Variants in AGO1 observed in about 807,000 individuals in gnomAD.
AGO1 encodes the protein argonaute RISC component 1.
AGO1 carries 11 observed loss-of-function variants against 109.2 expected under a neutral mutation model. The ratio of observed to expected loss-of-function variants is 0.10; its 90% CI spans 0.06 to 0.17. AGO1 has a LOEUF of 0.17. AGO1 is among the 10% of genes least tolerant of loss of function. AGO1 has a pLI of 1.00. For synonymous variants in AGO1, 422 were observed against 418.6 expected, an observed-to-expected ratio of 1.01 and a Z score of -0.10; for missense variants, 574 against 1,140.3, an observed-to-expected ratio of 0.50 and a Z score of 7.15.
intron 1 of AGO1, among the ~76,000 whole-genome samples, chr1:35,871,106 G>A (rs1644946155): frequency 6.6e-6 from 1 of 152,172 alleles, no homozygotes; most frequent in Non-Finnish European, 1.5e-5. Flanking sequence ...GTTTTACAGG[G>A]TGTGCACGTC....
chr1:35,894,143 G>C lies in AGO1; in HGVS notation c.756G>C (p.Gln252His). ...AGCCCAAGCCCCTCACGGACTCTCA[G>C]CGCGTTCGCTTCACCAAGGAGATCA... is the stretch of plus-strand genomic sequence containing the variant. ...DEQPKPLTDS[Q>H]RVRFTKEIKG... Residue 252 changes from glutamine to histidine, a missense_variant, in exon 6 of 19, where the codon CAG (glutamine) becomes CAC (histidine). Around this residue, in one of 8 missense-constraint regions of AGO1, gnomAD observed 129 missense variants for 243.0 expected, o/e 0.53. Transcript: ENST00000373204. 6.3e-7 allele frequency: 1 copy of C among 1,580,200 alleles called. No individual in the cohort carries two copies. The highest frequency in any genetic ancestry group is 8.6e-7 in the Non-Finnish European group (1 of 1,163,526).
rs1161533657 is a variant in AGO1 at position 35,922,152 on chromosome 1, C to G, written c.*2545C>G. 6.5e-6 allele frequency: 1 copy of G among 152,726 alleles called. No homozygotes were observed. The highest frequency in any genetic ancestry group is 2.4e-5 in the African/African-American group (1 of 41,474). 9.5% of individuals were successfully genotyped at this position (152,726 alleles called of 1,614,324 possible). The stretch of plus-strand genomic sequence containing the variant: ...AAGTTTGTGTTCTCTCCTTTTCTCT[C>G]TTTGCCTCACTCTCTCCAGTTGGTT... On this transcript the variant is annotated 3_prime_UTR_variant, in exon 19 of 19. Transcript: ENST00000373204.
Position 35,901,687 on chromosome 1 carries a change from G to A in AGO1, c.1140+94G>A, listed in dbSNP as rs1645418892. The A allele has an allele frequency of 4.4e-6, 7 of 1,585,184 alleles. No individual in the cohort carries two copies. The highest frequency in any genetic ancestry group is 6.0e-6 in the Non-Finnish European group (7 of 1,162,612). ...AGGACCTTCCTTCAGGAGAACCCAA[G>A]TCTAGATTTGTTGCCTAGGACTGTA... On this transcript the variant is annotated intron_variant, in intron 9 of 18. Coordinates refer to ENST00000373204, the MANE Select transcript of AGO1 (RefSeq NM_012199.5). The surrounding 1 kb of genome is among the most constrained non-coding windows in gnomAD (Gnocchi z 4.8).
intron 1 of AGO1, among the ~76,000 whole-genome samples, chr1:35,870,334 G>T (rs764144100): frequency 6.6e-6 from 1 of 151,808 alleles, no homozygotes; most frequent in Admixed American, 6.6e-5. Context: ...CCCAGGCTGG[G>T]GTGCAGTGGC....
At chr1:35,900,238 A>T (rs1303891413) in intron 8 of AGO1, among the ~76,000 whole-genome samples, 1 of 152,212 alleles carries the variant, frequency 6.6e-6, no homozygotes. Flanking sequence ...ACCTGTCACC[A>T]TTGGACAGCT....
At chr1:35,905,639 T>G (rs1345750611) in intron 11 of AGO1, among the ~76,000 whole-genome samples, 2 of 152,050 alleles carry the variant, frequency 1.3e-5, no homozygotes, top group Non-Finnish European at 2.9e-5. Context: ...GCTAGGTTTT[T>G]TTTGTATTTT....
chr1:35,885,391 A>G (rs1298912164), intron 1 of AGO1, among the ~76,000 whole-genome samples: 1 of 152,198 alleles, frequency 6.6e-6, no homozygotes, highest in Non-Finnish European at 1.5e-5. Flanking sequence ...GCTTATAGGA[A>G]AGGAGCTAGA....
chr1:35,894,266 G>T, intron 6 of AGO1, 49 bp from the exon 7 acceptor site: 2 of 1,610,066 alleles, frequency 1.2e-6, no homozygotes, highest in Non-Finnish European at 1.7e-6. Flanking sequence ...CCAAGCCTGG[G>T]CACATGAGCA....
chr1:35,898,740 T>G (rs139771985), intron 8 of AGO1, among the ~76,000 whole-genome samples: 13 of 152,336 alleles, frequency 8.5e-5, no homozygotes, highest in South Asian at 2.1e-4. Context: ...AGTTTCTAGT[T>G]GTGAAGATTC....
chr1:35,925,974 C>A lies in AGO1; in HGVS notation c.*6367C>A, dbSNP rs188289018. The A allele has an allele frequency of 6.6e-6, 1 of 152,286 alleles. No homozygotes were observed. The highest frequency in any genetic ancestry group is 1.5e-5 in the Non-Finnish European group (1 of 68,038). 9.4% of individuals were successfully genotyped at this position (152,286 alleles called of 1,614,324 possible). A position where few individuals can be genotyped will look rare whatever the true frequency, so the allele number is the denominator to read the frequency against. On this transcript the variant is annotated 3_prime_UTR_variant, in exon 19 of 19. Coordinates refer to ENST00000373204, the MANE Select transcript of AGO1 (RefSeq NM_012199.5). ...CCAAGTGTTGTAAATTGGCCTGTGG[C>A]TATCATCTGGCAGACTCCCTTGGGA...
intron 16 of AGO1, 84 bp from the exon 17 acceptor site, chr1:35,918,238 G>T: frequency 1.9e-6 from 2 of 1,075,860 alleles, no homozygotes; most frequent in Non-Finnish European, 2.9e-6. Context: ...TTGGGATTTT[G>T]GTGAAATCAG....
At position 35,905,133 on chromosome 1, in the gene AGO1, T is replaced by C. The variant is rs74703908; in HGVS notation, c.1398-1802T>C. ...ACACAGTATTCCAAGTGTAGTCTGGTAGTAGAGAGAAGATTGGAAATAACG... is the reference window on the plus strand; with the variant it reads ...ACACAGTATTCCAAGTGTAGTCTGGCAGTAGAGAGAAGATTGGAAATAACG... On this transcript the variant is annotated intron_variant, in intron 11 of 18. Transcript: ENST00000373204. Among the ~76,000 whole-genome samples, 275 of 152,236 alleles carry C rather than the reference T, an allele frequency of 1.8e-3. 1 individual carries two copies. The highest frequency in any genetic ancestry group is 6.3e-3 in the African/African-American group (261 of 41,542).
At chr1:35,910,446 T>A (rs1259280520) in intron 12 of AGO1, among the ~76,000 whole-genome samples, 1 of 152,070 alleles carries the variant, frequency 6.6e-6, no homozygotes, top group Non-Finnish European at 1.5e-5. Context: ...TCTTACATGT[T>A]TAGCTCAGTG....
chr1:35,889,365 A>C (rs899442114), intron 2 of AGO1, among the ~76,000 whole-genome samples: 41 of 151,300 alleles, frequency 2.7e-4, no homozygotes, highest in African/African-American at 9.7e-4. Flanking sequence ...ATCTGCCACC[A>C]TGCCTGGCTA....
At chr1:35,873,057 GTT>G (rs11389607) in intron 1 of AGO1, among the ~76,000 whole-genome samples, 1 of 143,134 alleles carries the variant, frequency 7.0e-6, no homozygotes. Flanking sequence ...CTGGTTACTT[GTT>G]TTTTTTTTTT....
At chr1:35,896,004 C>CTTTT (rs546982959) in intron 8 of AGO1, among the ~76,000 whole-genome samples, 4 of 146,332 alleles carry the variant, frequency 2.7e-5, no homozygotes, top group African/African-American at 1.0e-4. Flanking sequence ...GAATCAGAAT[C>CTTTT]TTTTTTTTTT....
chr1:35,917,873 C>G, intron 16 of AGO1, 146 bp downstream of exon 16: 2 of 1,163,600 alleles, frequency 1.7e-6, no homozygotes, highest in South Asian at 3.3e-5. Flanking sequence ...TCTTGTGGTC[C>G]TTCCTCTGCC....
Position 35,918,332 on chromosome 1 carries a change from G to C in AGO1, c.2174G>C (p.Ser725Thr). 1 of 1,613,764 alleles carries C rather than the reference G, an allele frequency of 6.2e-7. No individual in the cohort carries two copies. Among genetic ancestry groups the C allele is most frequent in the Non-Finnish European group, 8.5e-7 (1 of 1,179,650 alleles). The change falls in exon 17 of 19, where the codon AGT (serine) becomes ACT (threonine). Residue 725 changes from serine to threonine, a missense_variant. This residue lies in a region of AGO1 where 62 missense variants were observed against 192.0 expected (regional missense o/e 0.32). Coordinates refer to ENST00000373204, the MANE Select transcript of AGO1 (RefSeq NM_012199.5). ...CADKNERIGK[S>T]GNIPAGTTVD... ...TTTGTCTCTATACAGATTGGGAAGA[G>C]TGGTAACATCCCAGCTGGGACCACA...
chr1:35,930,296 G>C lies in AGO1; in HGVS notation c.*10689G>C, dbSNP rs757440604. 5.3e-5 allele frequency: 8 copies of C among 152,150 alleles called. No homozygotes were observed. The highest frequency in any genetic ancestry group is 1.0e-4 in the Non-Finnish European group (7 of 68,024). The allele number at this position is 152,150 out of a possible 1,614,324, so 9.4% of individuals were successfully genotyped here. A position where few individuals can be genotyped will look rare whatever the true frequency, so the allele number is the denominator to read the frequency against. On this transcript the variant is annotated 3_prime_UTR_variant, in exon 19 of 19. Transcript: ENST00000373204. ...TCGTTGAGACGCAAAAAAAAGCTGT[G>C]GGGTAGGGCGTAAGGGGAGGGTGGA...
Sources: gnomAD v4.1 joint callset for allele counts (sites outside exome capture counted in the v4.1 genomes callset) on GRCh38, gnomAD v4.1.1 for gene constraint, gnomAD v4.1.1 regional missense constraint, Gnocchi (gnomAD v3.1) non-coding constraint, MANE v1.5 for transcripts, NCBI Gene and HGNC (gene_info 2026-07-23, HGNC 2026-07-21) for gene names.